Variants in EYS observed in about 807,000 individuals in gnomAD.
EYS encodes protein eyes shut homolog.
Under a neutral mutation model 282.1 loss-of-function variants are expected in EYS, and 250 were observed. The observed-to-expected ratio is 0.89, with a 90% CI of 0.80 to 0.98. The LOEUF is 0.98. EYS is among the 50% of genes least tolerant of loss of function. The pLI is 0.00. For synonymous variants in EYS, 1,355 were observed against 1,282.9 expected (o/e 1.06, Z -1.20); for missense variants, 4,016 against 3,709.0 (o/e 1.08, Z -2.15).
At chr6:65,619,291 A>G (rs1343347154) in intron 2 of EYS, among the ~76,000 whole-genome samples, 1 of 151,296 alleles carries the variant, frequency 6.6e-6, no homozygotes, top group South Asian at 2.1e-4. Flanking sequence ...TTGGATTCCT[A>G]GGTATTTTAT....
intron 19 of EYS, among the ~76,000 whole-genome samples, chr6:64,849,665 T>TTC (rs1765821593): frequency 6.6e-6 from 1 of 152,030 alleles, no homozygotes; most frequent in African/African-American, 2.4e-5. Context: ...GAATTTTTTA[T>TTC]AAGCTCATTC....
chr6:64,865,465 T>G (rs921689993), intron 19 of EYS, among the ~76,000 whole-genome samples: 2 of 152,140 alleles, frequency 1.3e-5, no homozygotes, highest in Non-Finnish European at 2.9e-5. Flanking sequence ...AAGTGTTTTC[T>G]AAAGAGTGAG....
intron 40 of EYS, among the ~76,000 whole-genome samples, chr6:63,764,647 A>T (rs1769738479): frequency 6.6e-6 from 1 of 151,964 alleles, no homozygotes; most frequent in African/African-American, 2.4e-5. Context: ...TATTGTATAT[A>T]TTTAAGGTAT....
chr6:64,284,149 G>A (rs942540521), intron 30 of EYS, among the ~76,000 whole-genome samples: 2 of 152,158 alleles, frequency 1.3e-5, no homozygotes, highest in African/African-American at 4.8e-5. Context: ...TCTGAGATAA[G>A]GCAATTCCCT....
chr6:65,063,005 T>G (rs1009049006), intron 12 of EYS, among the ~76,000 whole-genome samples: 3 of 152,000 alleles, frequency 2.0e-5, no homozygotes, highest in African/African-American at 7.2e-5. Context: ...GTTGACAAAA[T>G]AGTTCACAGC....
intron 28 of EYS, among the ~76,000 whole-genome samples, chr6:64,389,819 G>C (rs916602993): frequency 6.6e-6 from 1 of 152,152 alleles, no homozygotes; most frequent in Non-Finnish European, 1.5e-5. Flanking sequence ...CAGCGTGAGC[G>C]ACGCAGAAGA....
At chr6:65,535,079 C>A (rs1372433028) in intron 2 of EYS, among the ~76,000 whole-genome samples, 1 of 152,116 alleles carries the variant, frequency 6.6e-6, no homozygotes, top group African/African-American at 2.4e-5. Context: ...GAATTGGCTC[C>A]TCCAGTTATG....
chr6:65,420,543 C>A (rs1386241764), intron 5 of EYS, among the ~76,000 whole-genome samples: 1 of 146,908 alleles, frequency 6.8e-6, no homozygotes, highest in East Asian at 1.9e-4. Context: ...TTACTACCTC[C>A]AAATTCCTGT....
At chr6:64,459,869 A>T (rs1186679455) in intron 26 of EYS, among the ~76,000 whole-genome samples, 3 of 152,080 alleles carry the variant, frequency 2.0e-5, no homozygotes, top group Non-Finnish European at 2.9e-5. Flanking sequence ...ACACCCAAGA[A>T]CAATACTTTG....
chr6:65,440,548 G>A (rs190090829), intron 5 of EYS, among the ~76,000 whole-genome samples: 5 of 151,622 alleles, frequency 3.3e-5, no homozygotes, highest in East Asian at 1.9e-4. Context: ...TTAATAGGAC[G>A]TGCAAGCTGG....
At position 64,083,358 on chromosome 6, in the gene EYS, T is replaced by C. The variant is rs947534098; in HGVS notation, c.6425-1356A>G. On this transcript the variant is annotated intron_variant, in intron 31 of 42. Coordinates refer to ENST00000503581, the MANE Select transcript of EYS (RefSeq NM_001142800.2). The stretch of plus-strand genomic sequence containing the variant: ...TCTAAGAAATTTAGTAACAGTTAAA[T>C]CTTCCATCAGAGATATGATTTCTCC... 2.6e-5 allele frequency among the ~76,000 whole-genome samples: 4 copies of C among 152,224 alleles called. No individual in the cohort carries two copies. The South Asian group carries it at 6.2e-4, about 24-fold the overall frequency.
At chr6:63,845,836 A>T (rs1404842352) in intron 36 of EYS, among the ~76,000 whole-genome samples, 3 of 152,208 alleles carry the variant, frequency 2.0e-5, no homozygotes, top group African/African-American at 7.2e-5. Context: ...AGGCACCTTA[A>T]GTCCTTTAAC....
intron 22 of EYS, among the ~76,000 whole-genome samples, chr6:64,776,610 ATATG>A (rs1773684235): frequency 6.6e-6 from 1 of 152,010 alleles, no homozygotes; most frequent in Non-Finnish European, 1.5e-5. Flanking sequence ...AAGGCTATCT[ATATG>A]TACTATATTT....
chr6:64,424,930 A>T (rs931118983), intron 28 of EYS, among the ~76,000 whole-genome samples: 1 of 152,204 alleles, frequency 6.6e-6, no homozygotes, highest in African/African-American at 2.4e-5. Flanking sequence ...ACCTCTAGAG[A>T]TGACTTTTAA....
intron 26 of EYS, among the ~76,000 whole-genome samples, chr6:64,540,069 C>T (rs1764651143): frequency 6.6e-6 from 1 of 152,208 alleles, no homozygotes; most frequent in African/African-American, 2.4e-5. Context: ...TTCAGCTTCA[C>T]TGACAAGTGG....
At chr6:64,543,592 G>C (rs1764755073) in intron 26 of EYS, among the ~76,000 whole-genome samples, 1 of 152,036 alleles carries the variant, frequency 6.6e-6, no homozygotes, top group South Asian at 2.1e-4. Context: ...ATGTTTGCTA[G>C]TAAAATTAAT....
chr6:63,779,774 G>A (rs938638989), intron 39 of EYS, among the ~76,000 whole-genome samples: 2 of 147,258 alleles, frequency 1.4e-5, no homozygotes, highest in East Asian at 2.0e-4. Flanking sequence ...TATACTTTAA[G>A]TTCTAGGGTA....
At chr6:64,653,601 G>T (rs959773381) in intron 22 of EYS, among the ~76,000 whole-genome samples, 6 of 151,874 alleles carry the variant, frequency 4.0e-5, no homozygotes, top group Admixed American at 6.6e-5. Flanking sequence ...ACAGGTTCTT[G>T]TTCCCCAGGC....
chr6:65,395,807 C>T (rs1442774834), intron 7 of EYS, among the ~76,000 whole-genome samples: 1 of 152,144 alleles, frequency 6.6e-6, no homozygotes, highest in African/African-American at 2.4e-5. Context: ...CAAGTTCTCC[C>T]TTCTAACTCT....
Sources: allele counts gnomAD v4.1 joint callset (sites outside exome capture counted in the v4.1 genomes callset), GRCh38; gene constraint gnomAD v4.1.1; transcripts MANE v1.5; gene names NCBI Gene and HGNC (gene_info 2026-07-23, HGNC 2026-07-21).